KCMF1: variants seen among roughly 807,000 people sequenced by gnomAD.
KCMF1 encodes E3 ubiquitin-protein ligase KCMF1.
Under a neutral mutation model 41.1 loss-of-function variants are expected in KCMF1, and 3 were observed. That is an observed-to-expected ratio of 0.07 (90% CI 0.03 to 0.19). The LOEUF is 0.19. Ranked by LOEUF, KCMF1 falls within the 10% of genes least tolerant of loss-of-function variation. The probability of loss-of-function intolerance (pLI) is 1.00; values close to 1 mark genes in which losing one functional copy is unlikely to be tolerated. For missense variants in KCMF1, 286 were observed against 488.9 expected (o/e 0.58, Z 3.91); for synonymous variants, 142 against 164.5 (o/e 0.86, Z 1.04).
At chr2:85,032,062 C>T (rs1388536147) in intron 2 of KCMF1, among the ~76,000 whole-genome samples, 1 of 152,050 alleles carries the variant, frequency 6.6e-6, no homozygotes, top group African/African-American at 2.4e-5. Flanking sequence ...TTGAATTGTT[C>T]ATTGCAACCA....
rs1340127967 is a variant in KCMF1 at position 85,053,366 on chromosome 2, AAG to A, written c.1108_1109del (p.Ser370Ter). On this transcript the variant is annotated frameshift_variant, in exon 7 of 7. Coordinates refer to ENST00000409785, the MANE Select transcript of KCMF1 (RefSeq NM_020122.5). LOFTEE classifies it high-confidence loss of function. Reference sequence around the variant, plus strand: ...GTTGCTTTAGAAAACCTAAATTTAAAAGAGAGTAATAAAGGAAATGAGCCTCC... The same window carrying A: ...GTTGCTTTAGAAAACCTAAATTTAAAAGAGTAATAAAGGAAATGAGCCTCC... 6.2e-7 allele frequency: 1 copy of A among 1,613,494 alleles called. No homozygotes were observed. Among genetic ancestry groups the A allele is most frequent in the Non-Finnish European group, 8.5e-7 (1 of 1,179,690 alleles).
chr2:85,033,239 C>T (rs528870298), intron 2 of KCMF1, among the ~76,000 whole-genome samples: 2 of 152,164 alleles, frequency 1.3e-5, no homozygotes, highest in African/African-American at 4.8e-5. Context: ...TGAACACTTT[C>T]TTCCATTTTC....
chr2:85,024,266 A>C (rs1040903954), intron 1 of KCMF1, among the ~76,000 whole-genome samples: 1 of 152,160 alleles, frequency 6.6e-6, no homozygotes, highest in African/African-American at 2.4e-5. Flanking sequence ...GATCACCCGG[A>C]GTTCGAGACC....
At chr2:85,003,317 A>G (rs1042070005) in intron 1 of KCMF1, among the ~76,000 whole-genome samples, 2 of 152,140 alleles carry the variant, frequency 1.3e-5, no homozygotes, top group African/African-American at 4.8e-5. Context: ...ACTAAAAAAA[A>G]GAAAAAAAAA....
At chr2:85,010,956 TC>T (rs1674636755) in intron 1 of KCMF1, among the ~76,000 whole-genome samples, 2 of 151,780 alleles carry the variant, frequency 1.3e-5, no homozygotes, top group Non-Finnish European at 2.9e-5. Context: ...CAATTCTTCT[TC>T]CTCAGCCTCC....
At chr2:85,048,666 G>A (rs1675728837) in intron 5 of KCMF1, among the ~76,000 whole-genome samples, 1 of 152,206 alleles carries the variant, frequency 6.6e-6, no homozygotes, top group Non-Finnish European at 1.5e-5. Flanking sequence ...CTCTTAATGA[G>A]TACAGCCTTA....
chr2:85,034,525 A>G (rs188785347), intron 2 of KCMF1, among the ~76,000 whole-genome samples: 185 of 152,284 alleles, frequency 1.2e-3, no homozygotes, highest in African/African-American at 4.2e-3. Flanking sequence ...TCTTAAGGCT[A>G]TATATGTAGT....
chr2:85,016,166 G>A (rs765732999), intron 1 of KCMF1, among the ~76,000 whole-genome samples: 5 of 152,094 alleles, frequency 3.3e-5, no homozygotes, highest in African/African-American at 1.2e-4. Context: ...TAAGCTTCCC[G>A]GTTCTCTTTC....
intron 2 of KCMF1, among the ~76,000 whole-genome samples, chr2:85,030,676 T>A (rs996334028): frequency 6.6e-6 from 1 of 152,192 alleles, no homozygotes; most frequent in South Asian, 2.1e-4. Flanking sequence ...TCTCAGTCTA[T>A]TCACATTGAT....
At chr2:85,032,089 A>ATT (rs149925984) in intron 2 of KCMF1, among the ~76,000 whole-genome samples, 1 of 150,536 alleles carries the variant, frequency 6.6e-6, no homozygotes. Context: ...CAAACAATTG[A>ATT]TTTTTTTTTT....
At chr2:84,976,592 C>G (rs1673550953) in intron 1 of KCMF1, among the ~76,000 whole-genome samples, 1 of 151,136 alleles carries the variant, frequency 6.6e-6, no homozygotes, top group Non-Finnish European at 1.5e-5. Context: ...CACATGTAGT[C>G]CCAGCTAGAT....
At chr2:85,026,728 T>TC (rs1435879521) in intron 1 of KCMF1, among the ~76,000 whole-genome samples, 7 of 152,040 alleles carry the variant, frequency 4.6e-5, no homozygotes, top group Non-Finnish European at 1.0e-4. Flanking sequence ...CCTCAAGCCA[T>TC]CCCCCTGCCT....
intron 1 of KCMF1, among the ~76,000 whole-genome samples, chr2:85,013,199 A>C (rs539106350): frequency 1.3e-5 from 2 of 152,248 alleles, no homozygotes; most frequent in East Asian, 3.9e-4. Context: ...TTTAGGCTCT[A>C]AGCACTAAGT....
chr2:85,004,458 G>A (rs1304447566), intron 1 of KCMF1, among the ~76,000 whole-genome samples: 1 of 151,862 alleles, frequency 6.6e-6, no homozygotes, highest in Non-Finnish European at 1.5e-5. Context: ...TTTGCAGTGA[G>A]CCGAGATCGC....
At chr2:84,973,431 T>C (rs1000829194) in intron 1 of KCMF1, among the ~76,000 whole-genome samples, 1 of 152,264 alleles carries the variant, frequency 6.6e-6, no homozygotes, top group Admixed American at 6.5e-5. Flanking sequence ...TACTTGAATA[T>C]TGCTGAACCT....
At chr2:85,039,031 C>G (rs998034017) in intron 3 of KCMF1, among the ~76,000 whole-genome samples, 8 of 152,096 alleles carry the variant, frequency 5.3e-5, no homozygotes, top group African/African-American at 1.9e-4. Context: ...CAATTTTGGC[C>G]CCAGTTTTTA....
At chr2:85,024,007 T>A (rs1675020253) in intron 1 of KCMF1, among the ~76,000 whole-genome samples, 1 of 152,234 alleles carries the variant, frequency 6.6e-6, no homozygotes, top group Non-Finnish European at 1.5e-5. Context: ...ATGTTTGTTG[T>A]TCTTTGAGTG....
At position 85,059,163 on chromosome 2, in the gene KCMF1, C is replaced by A. The variant is rs988311233; in HGVS notation, c.*5754C>A. The A allele has an allele frequency of 1.3e-5, 2 of 152,160 alleles. No homozygotes were observed. The highest frequency in any genetic ancestry group is 2.4e-5 in the African/African-American group (1 of 41,448). 9.4% of individuals were successfully genotyped at this position (152,160 alleles called of 1,614,324 possible). A position where few individuals can be genotyped will look rare whatever the true frequency, so the allele number is the denominator to read the frequency against. On this transcript the variant is annotated 3_prime_UTR_variant, in exon 7 of 7. Transcript: ENST00000409785. ...TCCATTTAATTTTGCCCACGAGAAC[C>A]TTTCATGACAATTAACAAGACACTA...
chr2:85,008,314 T>TCATATATA (rs1167071002), intron 1 of KCMF1, among the ~76,000 whole-genome samples: 1 of 101,044 alleles, frequency 9.9e-6, no homozygotes, highest in Non-Finnish European at 1.9e-5. Flanking sequence ...TAATATGATA[T>TCATATATA]ATATATCATA....
Sources: allele counts gnomAD v4.1 joint callset (sites outside exome capture counted in the v4.1 genomes callset), GRCh38; gene constraint gnomAD v4.1.1; transcripts MANE v1.5; gene names NCBI Gene and HGNC (gene_info 2026-07-23, HGNC 2026-07-21).